Variants in EHD3 observed in about 807,000 individuals in gnomAD.
The protein encoded by EHD3 is EH domain-containing protein 3.
A neutral mutation model predicts 43.0 loss-of-function variants in EHD3; 17 were observed. That is an observed-to-expected ratio of 0.40 (90% CI 0.27 to 0.59). The LOEUF is 0.59. EHD3 is among the 20% of genes least tolerant of loss of function. The pLI, the probability that EHD3 is intolerant of heterozygous loss-of-function variation, is 0.49. For synonymous variants in EHD3, 313 were observed against 289.5 expected, an observed-to-expected ratio of 1.08 and a Z score of -0.82; for missense variants, 594 against 705.6, an observed-to-expected ratio of 0.84 and a Z score of 1.79.
intron 2 of EHD3, 95 bp downstream of exon 2, chr2:31,244,545 G>A: frequency 7.6e-7 from 1 of 1,324,022 alleles, no homozygotes. Flanking sequence ...TGGGATGCTT[G>A]GTGCCTAGAG....
At chr2:31,264,182 G>A (rs898253722) in intron 5 of EHD3, among the ~76,000 whole-genome samples, 17 of 152,338 alleles carry the variant, frequency 1.1e-4, no homozygotes, top group Admixed American at 7.8e-4. Context: ...ATGGTATGAT[G>A]ACCTATTGCT....
intron 3 of EHD3, among the ~76,000 whole-genome samples, chr2:31,253,889 AT>A (rs1683688808): frequency 1.3e-5 from 2 of 152,172 alleles, no homozygotes; most frequent in Non-Finnish European, 2.9e-5. Flanking sequence ...AGCCTGGCTC[AT>A]TACTGGGAAG....
chr2:31,264,279 G>A (rs1207836126), intron 5 of EHD3, among the ~76,000 whole-genome samples: 1 of 152,114 alleles, frequency 6.6e-6, no homozygotes, highest in Non-Finnish European at 1.5e-5. Flanking sequence ...CATAGAAATG[G>A]TACAGTAAAA....
At chr2:31,263,002 T>G (rs756918736) in intron 5 of EHD3, among the ~76,000 whole-genome samples, 4 of 152,236 alleles carry the variant, frequency 2.6e-5, no homozygotes, top group Non-Finnish European at 5.9e-5. Context: ...TGTTTTGATC[T>G]TTAGCTTGGG....
intron 2 of EHD3, among the ~76,000 whole-genome samples, chr2:31,245,186 G>A (rs77669089): frequency 0.024 from 3,711 of 152,308 alleles, 86 homozygotes; most frequent in Non-Finnish European, 0.031. Flanking sequence ...GGTTTTTAGA[G>A]TAGAGGTAAT....
rs556776149 is a variant in EHD3 at position 31,235,268 on chromosome 2, A to T, written c.227+420A>T. On this transcript the variant is annotated intron_variant, in intron 1 of 5. Transcript: ENST00000322054. ...GCAAAACCTCTTCCCTTGTTTTTCA[A>T]GGGGCTTGGCACTCACATGGGGGCC... 5.3e-5 allele frequency among the ~76,000 whole-genome samples: 8 copies of T among 152,186 alleles called. No homozygotes were observed. The South Asian group carries it at 1.2e-3, about 24-fold the overall frequency.
In EHD3 at chr2:31,244,395, G is replaced by A. The variant is rs769119216; in HGVS notation, c.349G>A (p.Asp117Asn). 2 of 1,614,224 alleles carry A rather than the reference G, an allele frequency of 1.2e-6. No homozygotes were observed. The highest frequency in any genetic ancestry group is 1.7e-6 in the Non-Finnish European group (2 of 1,180,046). ...GIIPGNALVV[D>N]PKKPFRKLNA... ...CATCCCTGGGAACGCCCTGGTGGTG[G>A]ATCCCAAGAAACCCTTCAGGAAACT... The change falls in exon 2 of 6, where the codon GAT becomes AAT. Residue 117 changes from aspartate (D) to asparagine (N), a missense_variant. Around this residue, in one of 3 missense-constraint regions of EHD3, gnomAD observed 243 missense variants for 296.7 expected, o/e 0.82. Coordinates refer to ENST00000322054, the MANE Select transcript of EHD3 (RefSeq NM_014600.3).
chr2:31,253,246 CCACACACACACACACACA>C (rs34392955), intron 3 of EHD3, among the ~76,000 whole-genome samples: 3 of 142,014 alleles, frequency 2.1e-5, no homozygotes, highest in Non-Finnish European at 4.6e-5. Context: ...CAACCCCCTC[CCACACACACACACACACA>C]CACACACACA....
chr2:31,243,439 TC>T (rs1558647308), intron 1 of EHD3, among the ~76,000 whole-genome samples: 4 of 98,236 alleles, frequency 4.1e-5, no homozygotes, highest in Non-Finnish European at 7.4e-5. Flanking sequence ...TTTCTTTCTT[TC>T]TTTCTTTCTT....
At chr2:31,242,884 T>C (rs1441981540) in intron 1 of EHD3, among the ~76,000 whole-genome samples, 1 of 152,078 alleles carries the variant, frequency 6.6e-6, no homozygotes, top group Non-Finnish European at 1.5e-5. Flanking sequence ...CACTTGAACC[T>C]GGGAGGCGGA....
At chr2:31,258,120 C>T (rs1008405895) in intron 3 of EHD3, among the ~76,000 whole-genome samples, 2 of 152,180 alleles carry the variant, frequency 1.3e-5, no homozygotes, top group African/African-American at 4.8e-5. Context: ...TGGAGAAAAT[C>T]ACATGGCAAT....
Position 31,266,191 on chromosome 2 carries a change from C to G in EHD3, c.1095C>G (p.Ala365=). Residue 365 remains alanine (A), a synonymous_variant, in exon 6 of 6, where the codon GCC becomes GCG. Transcript: ENST00000322054. This position sits in a 1 kb window ranked among gnomAD's most constrained non-coding sequence, Gnocchi z 5.1. ...NLKRMQDQLQ[A]QDFSKFQPLK... ...CCTCTTCCCAGGACCAGCTGCAGGC[C>G]CAGGACTTTAGCAAGTTCCAGCCGC... 6.2e-7 allele frequency: 1 copy of G among 1,611,224 alleles called. No homozygotes were observed. The highest frequency in any genetic ancestry group is 8.5e-7 in the Non-Finnish European group (1 of 1,177,730).
In EHD3 at chr2:31,261,628, T is replaced by G; in HGVS notation, c.995T>G (p.Val332Gly). Residue 332 changes from valine (V) to glycine (G), a missense_variant, in exon 5 of 6, where the codon GTC becomes GGC. This residue lies in a region of EHD3 where 322 missense variants were observed against 348.0 expected (regional missense o/e 0.93). Coordinates refer to ENST00000322054, the MANE Select transcript of EHD3 (RefSeq NM_014600.3). ...FGKDNKKKEL[V>G]NNLAEIYGRI... The stretch of plus-strand genomic sequence containing the variant: ...AAGGACAACAAGAAGAAGGAGCTGG[T>G]CAACAACCTGGCCGAGATCTATGGC... 1 of 1,614,178 alleles carries G rather than the reference T, an allele frequency of 6.2e-7. No homozygotes were observed. The highest frequency in any genetic ancestry group is 8.5e-7 in the Non-Finnish European group (1 of 1,180,030).
rs546208167 is a variant in EHD3, at chr2:31,245,897, A to G, written c.404+1447A>G. 2.6e-5 allele frequency among the ~76,000 whole-genome samples: 4 copies of G among 152,064 alleles called. 1 individual carries two copies. Among genetic ancestry groups the G allele is most frequent in the African/African-American group, 9.6e-5 (4 of 41,472 alleles). Reference sequence around the variant, plus strand: ...TGCCTGGCCCCAAATAATATTTTTTATAAACCTATGAACTTGTCTCTGACC... The same window carrying G: ...TGCCTGGCCCCAAATAATATTTTTTGTAAACCTATGAACTTGTCTCTGACC... On this transcript the variant is annotated intron_variant, in intron 2 of 5. Coordinates refer to ENST00000322054, the MANE Select transcript of EHD3 (RefSeq NM_014600.3).
In EHD3 at chr2:31,264,533, C is replaced by CTTTTTTTTTT. The variant is rs35446028; in HGVS notation, c.1081-1633_1081-1624dup. Among the ~76,000 whole-genome samples the CTTTTTTTTTT allele has an allele frequency of 1.9e-4, 22 of 114,150 alleles. 1 individual carries two copies. Among genetic ancestry groups the CTTTTTTTTTT allele is most frequent in the African/African-American group, 6.7e-4 (19 of 28,516 alleles). 74.9% of individuals were successfully genotyped at this position (114,150 alleles called of 152,430 possible). ...TAAATTAACATTTCTACTTTACAGA[C>CTTTTTTTTTT]TTTTTTTTTTTTTTTTTTTTGATAC... is the stretch of plus-strand genomic sequence containing the variant. On this transcript the variant is annotated intron_variant, in intron 5 of 5. Coordinates refer to ENST00000322054, the MANE Select transcript of EHD3 (RefSeq NM_014600.3).
At position 31,234,707 on chromosome 2, in the gene EHD3, A is replaced by G; in HGVS notation, c.86A>G (p.Tyr29Cys). The change falls in exon 1 of 6, where the codon TAC becomes TGC. Residue 29 changes from tyrosine (Y) to cysteine (C), a missense_variant. Coordinates refer to ENST00000322054, the MANE Select transcript of EHD3 (RefSeq NM_014600.3). ...QTVSEGLKKL[Y>C]KSKLLPLEEH... ...GTGAGTGAGGGGCTCAAGAAACTCT[A>G]CAAGAGCAAGCTGCTGCCCTTGGAA... The G allele has an allele frequency of 6.2e-7, 1 of 1,614,170 alleles. No homozygotes were observed. Among genetic ancestry groups the G allele is most frequent in the Non-Finnish European group, 8.5e-7 (1 of 1,180,022 alleles).
chr2:31,249,493 T>C (rs760472181), intron 3 of EHD3, 25 bp downstream of exon 3: 2 of 1,608,300 alleles, frequency 1.2e-6, no homozygotes, highest in African/African-American at 1.3e-5. Context: ...TGAGGGGTGT[T>C]GGCTGTGGGC....
In EHD3 at chr2:31,260,859, T is replaced by A; in HGVS notation, c.852T>A (p.Ser284Arg). ...EEQDLFRDIQ[S>R]LPRNAALRKL... ...AGGACCTATTCAGGGACATCCAGAG[T>A]CTGCCCCGAAATGCTGCCCTGCGCA... The change falls in exon 4 of 6, where the codon AGT becomes AGA. Residue 284 changes from serine (S) to arginine (R), a missense_variant. This residue lies in a region of EHD3 where 322 missense variants were observed against 348.0 expected (regional missense o/e 0.93). Coordinates refer to ENST00000322054, the MANE Select transcript of EHD3 (RefSeq NM_014600.3). This position sits in a 1 kb window ranked among gnomAD's most constrained non-coding sequence, Gnocchi z 4.6. 1 of 1,613,964 alleles carries A rather than the reference T, an allele frequency of 6.2e-7. No individual in the cohort carries two copies. Among genetic ancestry groups the A allele is most frequent in the South Asian group, 1.1e-5 (1 of 91,056 alleles).
Position 31,247,828 on chromosome 2 carries a change from C to G in EHD3, c.405-1543C>G, listed in dbSNP as rs540950822. On this transcript the variant is annotated intron_variant, in intron 2 of 5. Transcript: ENST00000322054. The stretch of plus-strand genomic sequence containing the variant: ...TAAATGATGAGTGAAGTGGCACCAA[C>G]AGTGTAAAAAAAAGAGGACATTCCC... Among the ~76,000 whole-genome samples the G allele has an allele frequency of 2.0e-5, 3 of 151,944 alleles. No individual in the cohort carries two copies. The South Asian group carries it at 6.2e-4, about 32-fold the overall frequency.
Sources: allele counts gnomAD v4.1 joint callset (sites outside exome capture counted in the v4.1 genomes callset), GRCh38; gene constraint gnomAD v4.1.1; regional missense constraint gnomAD v4.1.1; non-coding constraint Gnocchi (gnomAD v3.1); transcripts MANE v1.5; gene names NCBI Gene and HGNC (gene_info 2026-07-23, HGNC 2026-07-21).